Variants in SPATA13 observed in about 807,000 individuals in gnomAD.
SPATA13 encodes the protein spermatogenesis-associated protein 13.
A neutral mutation model predicts 104.0 loss-of-function variants in SPATA13; 50 were observed. The observed-to-expected ratio is 0.48, with a 90% CI of 0.38 to 0.61. SPATA13 has a LOEUF of 0.61. Among genes scored for constraint, SPATA13 ranks in the 20% least tolerant of loss-of-function variants. The pLI, the probability that SPATA13 is intolerant of heterozygous loss-of-function variation, is 0.00. For missense variants in SPATA13, 1,524 were observed against 1,690.6 expected, an observed-to-expected ratio of 0.90 and a Z score of 1.73; for synonymous variants, 606 against 667.5, an observed-to-expected ratio of 0.91 and a Z score of 1.42.
rs35793500 is a variant in SPATA13, at chr13:24,294,781, T to C, written c.3123T>C (p.Asn1041=). Residue 1041 remains asparagine (N), a synonymous_variant, in exon 10 of 13, where the codon AAT becomes AAC. Coordinates refer to ENST00000382108, the MANE Select transcript of SPATA13 (RefSeq NM_001166271.3). ...AGGCAGCATATGAGGCCATGAAGAA[T>C]GTGGCCTGTCTGATCAACGAGCGCA... is the stretch of plus-strand genomic sequence containing the variant. ...NIKAAYEAMK[N]VACLINERKR... is the part of the protein sequence containing the mutation. 61,883 of 1,609,350 alleles carry C rather than the reference T, an allele frequency of 0.038. 1,344 individuals carry two copies. The highest frequency in any genetic ancestry group is 0.055 in the Middle Eastern group (330 of 6,052).
At chr13:24,267,428 G>A (rs1874347676) in intron 4 of SPATA13, among the ~76,000 whole-genome samples, 1 of 152,130 alleles carries the variant, frequency 6.6e-6, no homozygotes, top group Admixed American at 6.5e-5. Flanking sequence ...TTAAGATCCT[G>A]TAATCCCAAG....
At chr13:24,218,959 CA>C (rs1313861969) in intron 1 of SPATA13, among the ~76,000 whole-genome samples, 2 of 131,416 alleles carry the variant, frequency 1.5e-5, no homozygotes, top group Admixed American at 1.6e-4. Flanking sequence ...TTGTTTGTTT[CA>C]TTTTTTTGTT....
rs574902781 is a variant in SPATA13, at chr13:24,123,152, A to C, written c.-111-99667A>C. ...GGTCATCATTTTCTGTTTCTCTGAT[A>C]ATATGAAGAAGAGCCTGCATTACAG... is the stretch of plus-strand genomic sequence containing the variant. On this transcript the variant is annotated intron_variant, in intron 3 of 14. Coordinates refer to the SPATA13 transcript ENST00000424834. 29 of 1,125,934 alleles carry C rather than the reference A, an allele frequency of 2.6e-5. No homozygotes were observed. In the African/African-American group the frequency reaches 3.9e-4, roughly 15 times the overall value. 69.7% of individuals were successfully genotyped at this position (1,125,934 alleles called of 1,614,324 possible).
chr13:24,113,797 G>A (rs1179202116), intron 3 of SPATA13, among the ~76,000 whole-genome samples: 3 of 148,156 alleles, frequency 2.0e-5, no homozygotes, highest in Non-Finnish European at 4.4e-5. Context: ...TTGAACCAGG[G>A]AGTTGGAGGG....
chr13:24,281,462 C>T (rs926726298), intron 4 of SPATA13, among the ~76,000 whole-genome samples: 1 of 152,174 alleles, frequency 6.6e-6, no homozygotes, highest in African/African-American at 2.4e-5. Context: ...CTCCAAGGTT[C>T]CCTGGCTGTC....
intron 1 of SPATA13, among the ~76,000 whole-genome samples, chr13:24,165,587 C>G (rs368963131): frequency 5.0e-4 from 76 of 152,280 alleles, no homozygotes; most frequent in African/African-American, 1.8e-3. Flanking sequence ...ACCCCCCACC[C>G]ACCCCAACTC....
At chr13:24,301,004 A>C (rs987624512) in intron 12 of SPATA13, among the ~76,000 whole-genome samples, 6 of 152,196 alleles carry the variant, frequency 3.9e-5, no homozygotes, top group Non-Finnish European at 5.9e-5. Context: ...CCTAATCTCC[A>C]TGCACATTAG....
At chr13:24,142,619 A>G (rs1253031242) in intron 3 of SPATA13, among the ~76,000 whole-genome samples, 1 of 151,856 alleles carries the variant, frequency 6.6e-6, no homozygotes, top group Non-Finnish European at 1.5e-5. Context: ...TTAAGAGGTA[A>G]TTACTACTCT....
chr13:24,140,356 C>A (rs1299228832), intron 3 of SPATA13, among the ~76,000 whole-genome samples: 2 of 152,162 alleles, frequency 1.3e-5, no homozygotes, highest in African/African-American at 2.4e-5. Flanking sequence ...GTTGCCCCAG[C>A]AGACAGAGAG....
rs145365678 is a variant in SPATA13, at chr13:24,040,132, A to G, written c.-112+22431A>G. On this transcript the variant is annotated intron_variant, in intron 3 of 14. Transcript: ENST00000424834. ...CATTCAGCAGAAATCCCCCAAACACAGACAGGCTTGAGATGCTGGGTGGCC... is the reference window on the plus strand; with the variant it reads ...CATTCAGCAGAAATCCCCCAAACACGGACAGGCTTGAGATGCTGGGTGGCC... 3.0e-4 allele frequency among the ~76,000 whole-genome samples: 45 copies of G among 152,384 alleles called. No homozygotes were observed. The South Asian group carries it at 7.0e-3, about 24-fold the overall frequency.
chr13:24,104,780 A>G lies in SPATA13; in HGVS notation c.-112+87079A>G, dbSNP rs542643429. 1.8e-4 allele frequency among the ~76,000 whole-genome samples: 28 copies of G among 152,356 alleles called. 1 individual carries two copies. The South Asian group carries it at 3.9e-3, about 21-fold the overall frequency. ...ATTTTGATATAATAACTTGTTAGTT[A>G]ATGTTTTAAACTCTGGATAAAGTCC... On this transcript the variant is annotated intron_variant, in intron 3 of 14. Transcript: ENST00000424834.
intron 2 of SPATA13, among the ~76,000 whole-genome samples, chr13:23,994,510 C>T (rs993180233): frequency 3.3e-5 from 5 of 152,110 alleles, no homozygotes; most frequent in Admixed American, 1.3e-4. Context: ...TGGGACTGGC[C>T]GGCATGACTG....
intron 3 of SPATA13, among the ~76,000 whole-genome samples, chr13:24,070,755 C>T (rs370605047): frequency 6.6e-6 from 1 of 152,014 alleles, no homozygotes; most frequent in Non-Finnish European, 1.5e-5. Flanking sequence ...GAAGGCTGAC[C>T]CTCCCCCAAG....
At chr13:24,041,959 G>C (rs904178000) in intron 3 of SPATA13, among the ~76,000 whole-genome samples, 2 of 152,200 alleles carry the variant, frequency 1.3e-5, no homozygotes, top group African/African-American at 4.8e-5. Context: ...TCCTCATGCT[G>C]TTCGAAAAAT....
intron 1 of SPATA13, among the ~76,000 whole-genome samples, chr13:24,207,847 C>T (rs1566150742): frequency 6.6e-6 from 1 of 152,222 alleles, no homozygotes; most frequent in Non-Finnish European, 1.5e-5. Context: ...GCCAGACTAC[C>T]TGGTGTAGGT....
chr13:24,159,364 G>T (rs900512213), upstream of SPATA13, among the ~76,000 whole-genome samples: 27 of 152,048 alleles, frequency 1.8e-4, no homozygotes, highest in African/African-American at 6.3e-4. Flanking sequence ...AATAAAATTT[G>T]CCCATATTTC....
At chr13:23,999,460 A>G (rs1159364814) in intron 2 of SPATA13, among the ~76,000 whole-genome samples, 3 of 151,176 alleles carry the variant, frequency 2.0e-5, no homozygotes, top group Non-Finnish European at 4.4e-5. Context: ...CATATTAACA[A>G]TATTGAATCT....
intron 1 of SPATA13, among the ~76,000 whole-genome samples, chr13:23,980,684 C>T (rs1045200184): frequency 2.6e-5 from 4 of 152,088 alleles, no homozygotes; most frequent in African/African-American, 9.7e-5. Flanking sequence ...CTCTGCCTCC[C>T]GGGTTCAAGC....
chr13:24,298,649 C>G (rs960688938), intron 11 of SPATA13, among the ~76,000 whole-genome samples: 37 of 152,164 alleles, frequency 2.4e-4, no homozygotes, highest in African/African-American at 8.7e-4. Flanking sequence ...AGTCATGGTC[C>G]AGGACGGAGG....
Sources: gnomAD v4.1 joint callset for allele counts (sites outside exome capture counted in the v4.1 genomes callset) on GRCh38, gnomAD v4.1.1 for gene constraint, MANE v1.5 for transcripts, NCBI Gene and HGNC (gene_info 2026-07-23, HGNC 2026-07-21) for gene names.